The following ATE1 variants were observed in gnomAD, a reference collection of about 807,000 sequenced individuals.
The protein encoded by ATE1 is arginyltransferase 1.
In ATE1, 36 loss-of-function variants were observed where a neutral mutation model predicts 70.5. That is an observed-to-expected ratio of 0.51 (90% confidence interval 0.39 to 0.67). ATE1 has a LOEUF of 0.67. ATE1 is among the 30% of genes least tolerant of loss of function. The pLI, the probability that ATE1 is intolerant of heterozygous loss-of-function variation, is 0.00. For missense variants in ATE1, 593 were observed against 629.5 expected, an observed-to-expected ratio of 0.94 and a Z score of 0.62; for synonymous variants, 232 against 219.3, an observed-to-expected ratio of 1.06 and a Z score of -0.51.
At chr10:121,790,042 A>ACT in intron 11 of ATE1, 127 bp downstream of exon 11, 1 of 1,345,792 alleles carries the variant, frequency 7.4e-7, no homozygotes, top group Non-Finnish European at 1.0e-6. Context: ...ACACACACAC[A>ACT]CACTCATGCA....
At chr10:121,755,165 A>T (rs1158756966) in intron 11 of ATE1, among the ~76,000 whole-genome samples, 1 of 152,232 alleles carries the variant, frequency 6.6e-6, no homozygotes, top group Non-Finnish European at 1.5e-5. Flanking sequence ...GTGTGTATGC[A>T]TTTTTGTGCT....
At chr10:121,752,453 TCTC>T (rs1318644260) in intron 11 of ATE1, among the ~76,000 whole-genome samples, 2 of 151,838 alleles carry the variant, frequency 1.3e-5, no homozygotes, top group Non-Finnish European at 2.9e-5. Context: ...ATGGTCTCGA[TCTC>T]CTGACCTCGT....
chr10:121,824,456 T>C (rs1947926337), intron 10 of ATE1, among the ~76,000 whole-genome samples: 1 of 152,210 alleles, frequency 6.6e-6, no homozygotes, highest in Non-Finnish European at 1.5e-5. Flanking sequence ...CTCTGTTAAT[T>C]CCATTTTTTT....
chr10:121,853,237 G>A (rs1294187119), intron 8 of ATE1, among the ~76,000 whole-genome samples: 5 of 151,596 alleles, frequency 3.3e-5, no homozygotes, highest in Middle Eastern at 3.2e-3. Flanking sequence ...GGTGGCGGGC[G>A]CCTGTAGTCC....
intron 7 of ATE1, among the ~76,000 whole-genome samples, chr10:121,896,207 A>G (rs757676623): frequency 6.6e-6 from 1 of 152,222 alleles, no homozygotes; most frequent in African/African-American, 2.4e-5. Flanking sequence ...CAATTTCTTT[A>G]GCAAGAACAT....
At chr10:121,924,421 C>A in intron 1 of ATE1, 92 bp from the exon 2 acceptor site, 4 of 1,241,574 alleles carry the variant, frequency 3.2e-6, no homozygotes, top group Non-Finnish European at 4.7e-6. Context: ...GAGTGTGTGT[C>A]CGGGCACGGT....
chr10:121,895,439 C>G (rs992359408), intron 7 of ATE1, among the ~76,000 whole-genome samples: 3 of 151,474 alleles, frequency 2.0e-5, no homozygotes, highest in Non-Finnish European at 4.4e-5. Flanking sequence ...GAAACCCCAT[C>G]TCTACTAAAA....
At chr10:121,815,799 AAACAGGGTTTCTCAACCTCAGC>A (rs1417384918) in intron 10 of ATE1, among the ~76,000 whole-genome samples, 1 of 152,308 alleles carries the variant, frequency 6.6e-6, no homozygotes, top group African/African-American at 2.4e-5. Context: ...CTAACCGTTT[AAACAGGGTTTCTCAACCTCAGC>A]ATTAGTGACA....
chr10:121,926,836 A>G (rs1952112148), intron 1 of ATE1: 1 of 985,304 alleles, frequency 1.0e-6, no homozygotes, highest in Admixed American at 6.1e-5. Context: ...TTTAAGTCCA[A>G]ACTGGAAGCA....
chr10:121,789,588 G>C (rs184296173), intron 11 of ATE1, among the ~76,000 whole-genome samples: 4 of 152,028 alleles, frequency 2.6e-5, no homozygotes, highest in East Asian at 1.9e-4. Flanking sequence ...TGTGAGCCAC[G>C]GCACCCAGCC....
chr10:121,839,086 A>G (rs1948534570), intron 9 of ATE1, among the ~76,000 whole-genome samples: 1 of 152,128 alleles, frequency 6.6e-6, no homozygotes, highest in South Asian at 2.1e-4. Context: ...TCCGCAACTC[A>G]TCTTCTCAAG....
rs539648983 is a variant in ATE1 at position 121,907,769 on chromosome 10, G to GA, written c.583+3136dup. On this transcript the variant is annotated intron_variant, in intron 5 of 11. Coordinates refer to ENST00000224652, the MANE Select transcript of ATE1 (RefSeq NM_001001976.3). ...AGGTGACAGAGCGAGACTCCGTCTC[G>GA]AAAAAAAAAAAAGATTAAAATGCTG... is the stretch of plus-strand genomic sequence containing the variant. Among the ~76,000 whole-genome samples, 539 of 138,222 alleles carry GA rather than the reference G, an allele frequency of 3.9e-3. 8 individuals are homozygous for GA. The East Asian group carries it at 0.048, about 12-fold the overall frequency. 90.7% of individuals were successfully genotyped at this position (138,222 alleles called of 152,430 possible).
intron 9 of ATE1, among the ~76,000 whole-genome samples, chr10:121,837,245 C>T (rs1260278216): frequency 1.3e-5 from 2 of 152,230 alleles, no homozygotes; most frequent in East Asian, 3.9e-4. Context: ...CATTTACATG[C>T]AAAGACTTTC....
chr10:121,819,596 AC>A (rs1947701200), intron 10 of ATE1, among the ~76,000 whole-genome samples: 1 of 131,898 alleles, frequency 7.6e-6, no homozygotes, highest in Non-Finnish European at 1.6e-5. Context: ...AGTCCCAGCT[AC>A]TCGGGAGGCT....
chr10:121,850,880 A>G lies in ATE1; in HGVS notation c.976-9617T>C, dbSNP rs551369288. On this transcript the variant is annotated intron_variant, in intron 8 of 11. Coordinates refer to ENST00000224652, the MANE Select transcript of ATE1 (RefSeq NM_001001976.3). Reference sequence around the variant, plus strand: ...GCCAAGGTGGGTGGATCACGAGGTCAGGAGATCGACACCATCCTGGCTAAC... The same window carrying G: ...GCCAAGGTGGGTGGATCACGAGGTCGGGAGATCGACACCATCCTGGCTAAC... Among the ~76,000 whole-genome samples the G allele has an allele frequency of 1.3e-4, 20 of 151,810 alleles. No individual in the cohort carries two copies. The South Asian group carries it at 2.9e-3, about 22-fold the overall frequency.
At chr10:121,887,620 T>C (rs1028644414) in intron 7 of ATE1, among the ~76,000 whole-genome samples, 10 of 152,118 alleles carry the variant, frequency 6.6e-5, no homozygotes, top group African/African-American at 2.2e-4. Context: ...GTGGGAAGAC[T>C]GCTTGAGTCC....
chr10:121,773,363 A>G (rs7919529), intron 11 of ATE1, among the ~76,000 whole-genome samples: 143,750 of 152,290 alleles, frequency 0.94, 68,070 homozygotes, highest in Non-Finnish European at 0.98. Context: ...AACCAAGTCG[A>G]TAGGGCAAAA....
intron 11 of ATE1, among the ~76,000 whole-genome samples, chr10:121,750,890 G>A (rs1481046287): frequency 1.3e-5 from 2 of 152,138 alleles, no homozygotes; most frequent in African/African-American, 2.4e-5. Flanking sequence ...CTACAAAAAC[G>A]CAACTCTGGA....
intron 8 of ATE1, among the ~76,000 whole-genome samples, chr10:121,863,081 A>C (rs1343939336): frequency 6.6e-6 from 1 of 152,104 alleles, no homozygotes; most frequent in East Asian, 1.9e-4. Flanking sequence ...AGTTGTCCTG[A>C]AGTCCCCAAC....
Sources: allele counts gnomAD v4.1 joint callset (sites outside exome capture counted in the v4.1 genomes callset), GRCh38; gene constraint gnomAD v4.1.1; transcripts MANE v1.5; gene names NCBI Gene and HGNC (gene_info 2026-07-23, HGNC 2026-07-21).